The following PRICKLE2 variants were observed in gnomAD, a reference collection of about 807,000 sequenced individuals.
The protein encoded by PRICKLE2 is prickle planar cell polarity protein 2.
PRICKLE2 carries 21 observed loss-of-function variants against 81.4 expected under a neutral mutation model. The observed-to-expected ratio is 0.26, with a 90% CI of 0.18 to 0.37. The LOEUF (loss-of-function observed/expected upper bound fraction) is 0.37, where lower values mean the gene tolerates loss of function less well. Ranked by LOEUF, PRICKLE2 falls within the 10% of genes least tolerant of loss-of-function variation. PRICKLE2 has a pLI of 1.00. For synonymous variants in PRICKLE2, 456 were observed against 421.5 expected (o/e 1.08, Z -1.00); for missense variants, 940 against 1,109.0 (o/e 0.85, Z 2.16).
chr3:64,252,559 CA>C (rs1348190790), intron 2 of PRICKLE2, among the ~76,000 whole-genome samples: 23 of 152,300 alleles, frequency 1.5e-4, no homozygotes, highest in African/African-American at 5.5e-4. Flanking sequence ...TATTTATGGT[CA>C]ATAGCACTTT....
intron 7 of PRICKLE2, among the ~76,000 whole-genome samples, chr3:64,125,400 G>A (rs2077090881): frequency 6.6e-6 from 1 of 152,182 alleles, no homozygotes; most frequent in African/African-American, 2.4e-5. Context: ...GTTCTACTGT[G>A]GGTAAAATGC....
upstream of PRICKLE2, among the ~76,000 whole-genome samples, chr3:64,228,440 G>C (rs910683443): frequency 1.1e-4 from 16 of 152,062 alleles, no homozygotes; most frequent in Non-Finnish European, 1.3e-4. Context: ...GGATATCTAT[G>C]CATCACACTT....
chr3:64,158,550 C>T (rs979648730), intron 4 of PRICKLE2, among the ~76,000 whole-genome samples: 2 of 152,168 alleles, frequency 1.3e-5, no homozygotes, highest in African/African-American at 4.8e-5. Context: ...CTCTTTCTGC[C>T]TTCACACTCT....
intron 2 of PRICKLE2, among the ~76,000 whole-genome samples, chr3:64,184,565 C>T (rs1394524524): frequency 6.6e-6 from 1 of 152,130 alleles, no homozygotes; most frequent in Non-Finnish European, 1.5e-5. Flanking sequence ...CCTTGAACTC[C>T]TGAGCTCAAG....
At chr3:64,216,563 T>A (rs2107142907) in intron 1 of PRICKLE2, among the ~76,000 whole-genome samples, 1 of 152,332 alleles carries the variant, frequency 6.6e-6, no homozygotes, top group South Asian at 2.1e-4. Context: ...AGTTACCATT[T>A]AGGATGCTGC....
intron 7 of PRICKLE2, among the ~76,000 whole-genome samples, chr3:64,113,239 G>A (rs1298935079): frequency 6.6e-6 from 1 of 152,178 alleles, no homozygotes; most frequent in Non-Finnish European, 1.5e-5. Flanking sequence ...AGCACGGGCA[G>A]GGGTGGCCAT....
At chr3:64,205,108 A>AAAG (rs1286194909) in intron 1 of PRICKLE2, among the ~76,000 whole-genome samples, 1 of 151,670 alleles carries the variant, frequency 6.6e-6, no homozygotes, top group Non-Finnish European at 1.5e-5. Context: ...CGTTAAAAAA[A>AAAG]AAAAAAAACA....
chr3:64,265,671 C>A (rs893363404), intron 2 of PRICKLE2, among the ~76,000 whole-genome samples: 2 of 152,154 alleles, frequency 1.3e-5, no homozygotes, highest in African/African-American at 4.8e-5. Flanking sequence ...TACTTCAGGG[C>A]AAACCCAACA....
At chr3:64,203,562 C>T (rs967039710) in intron 1 of PRICKLE2, among the ~76,000 whole-genome samples, 2 of 151,890 alleles carry the variant, frequency 1.3e-5, no homozygotes, top group African/African-American at 4.8e-5. Flanking sequence ...ACACTAATGC[C>T]GGATGGACAT....
At chr3:64,185,581 T>C (rs1406397854) in intron 2 of PRICKLE2, among the ~76,000 whole-genome samples, 1 of 152,206 alleles carries the variant, frequency 6.6e-6, no homozygotes, top group African/African-American at 2.4e-5. Context: ...TGGATGTTGA[T>C]GAGTTTCTAC....
At chr3:64,215,738 A>C (rs2078862341) in intron 1 of PRICKLE2, among the ~76,000 whole-genome samples, 2 of 152,232 alleles carry the variant, frequency 1.3e-5, no homozygotes, top group South Asian at 2.1e-4. Context: ...CAATTAAATG[A>C]AAGTATGCAA....
intron 1 of PRICKLE2, chr3:64,199,731 T>C (rs1336936216): frequency 2.0e-5 from 3 of 152,194 alleles, no homozygotes; most frequent in African/African-American, 7.2e-5. Context: ...TCTGTTCTCT[T>C]ATCCATAGCT....
intron 7 of PRICKLE2, among the ~76,000 whole-genome samples, chr3:64,117,083 G>C (rs1383063160): frequency 6.6e-6 from 1 of 152,130 alleles, no homozygotes; most frequent in Non-Finnish European, 1.5e-5. Flanking sequence ...CACATAAACA[G>C]AACTAAAGAC....
chr3:64,168,181 C>G (rs1387195469), intron 2 of PRICKLE2, among the ~76,000 whole-genome samples: 1 of 152,144 alleles, frequency 6.6e-6, no homozygotes, highest in African/African-American at 2.4e-5. Context: ...TCAAAAGCAT[C>G]CTTATTTTCT....
At chr3:64,222,730 T>C (rs1182134918) in intron 1 of PRICKLE2, among the ~76,000 whole-genome samples, 1 of 152,184 alleles carries the variant, frequency 6.6e-6, no homozygotes, top group Non-Finnish European at 1.5e-5. Context: ...ACATATTCAA[T>C]GGCCTCCCTG....
chr3:64,177,471 T>C (rs1363926431), intron 2 of PRICKLE2, among the ~76,000 whole-genome samples: 1 of 152,148 alleles, frequency 6.6e-6, no homozygotes, highest in Non-Finnish European at 1.5e-5. Flanking sequence ...TCAGTGGCAC[T>C]GGGTACATTC....
intron 7 of PRICKLE2, among the ~76,000 whole-genome samples, chr3:64,113,361 C>G (rs571002093): frequency 1.1e-4 from 17 of 152,268 alleles, no homozygotes; most frequent in Admixed American, 3.9e-4. Flanking sequence ...GACCTGTGCA[C>G]CCCTTAGTCT....
intron 6 of PRICKLE2, among the ~76,000 whole-genome samples, chr3:64,149,630 C>G (rs986465169): frequency 1.3e-5 from 2 of 152,158 alleles, no homozygotes; most frequent in African/African-American, 2.4e-5. Flanking sequence ...AGTTCCTGAG[C>G]CTGGACTTTC....
chr3:64,109,330 G>A (rs989509291), intron 7 of PRICKLE2, among the ~76,000 whole-genome samples: 2 of 152,188 alleles, frequency 1.3e-5, no homozygotes, highest in Admixed American at 6.5e-5. Context: ...TAAGGCCTTT[G>A]CTGTCTAATT....
Sources: allele counts gnomAD v4.1 joint callset (sites outside exome capture counted in the v4.1 genomes callset), GRCh38; gene constraint gnomAD v4.1.1; transcripts MANE v1.5; gene names NCBI Gene and HGNC (gene_info 2026-07-23, HGNC 2026-07-21).